Variants in NXPH1 observed in about 807,000 individuals in gnomAD.
NXPH1 encodes neurexophilin-1.
NXPH1 carries 5 observed loss-of-function variants against 23.7 expected under a neutral mutation model. The observed-to-expected ratio is 0.21, with a 90% CI of 0.11 to 0.44. The LOEUF is 0.44. Ranked by LOEUF, NXPH1 falls within the 20% of genes least tolerant of loss-of-function variation. The pLI is 0.99. For synonymous variants in NXPH1, 144 were observed against 122.2 expected (o/e 1.18, Z -1.18); for missense variants, 324 against 321.6 (o/e 1.01, Z -0.06).
intron 2 of NXPH1, among the ~76,000 whole-genome samples, chr7:8,600,408 G>T (rs922618015): frequency 2.0e-5 from 3 of 152,126 alleles, no homozygotes; most frequent in Admixed American, 1.3e-4. Flanking sequence ...TTCCTTCTCT[G>T]ATCTATCTGT....
chr7:8,709,631 A>C (rs1023542367), intron 2 of NXPH1, among the ~76,000 whole-genome samples: 1 of 152,360 alleles, frequency 6.6e-6, no homozygotes, highest in African/African-American at 2.4e-5. Context: ...GAATTTAAAC[A>C]AGGGTGGAAA....
At chr7:8,680,387 A>G (rs1821031923) in intron 2 of NXPH1, among the ~76,000 whole-genome samples, 1 of 152,248 alleles carries the variant, frequency 6.6e-6, no homozygotes. Context: ...CAGTGCAGGT[A>G]AAGTTAAAAA....
intron 2 of NXPH1, among the ~76,000 whole-genome samples, chr7:8,452,923 T>C (rs1015532577): frequency 4.9e-4 from 74 of 152,254 alleles, no homozygotes; most frequent in African/African-American, 1.7e-3. Context: ...TTGCTACTTC[T>C]GACAGCCCAG....
At chr7:8,644,821 CTT>C (rs1820369899) in intron 2 of NXPH1, among the ~76,000 whole-genome samples, 1 of 152,176 alleles carries the variant, frequency 6.6e-6, no homozygotes, top group Admixed American at 6.5e-5. Context: ...TAACCACTCT[CTT>C]AAATTTTGTG....
At chr7:8,560,615 G>T (rs1033873739) in intron 2 of NXPH1, among the ~76,000 whole-genome samples, 5 of 151,650 alleles carry the variant, frequency 3.3e-5, no homozygotes, top group African/African-American at 1.2e-4. Context: ...CAAGGAAGGG[G>T]GAGAGTGAGA....
At chr7:8,694,588 A>G (rs984943277) in intron 2 of NXPH1, among the ~76,000 whole-genome samples, 3 of 152,216 alleles carry the variant, frequency 2.0e-5, no homozygotes, top group Non-Finnish European at 4.4e-5. Flanking sequence ...ATAATAACAC[A>G]TCTATTTTTT....
At chr7:8,739,753 A>G (rs1413540345) in intron 2 of NXPH1, among the ~76,000 whole-genome samples, 4 of 152,130 alleles carry the variant, frequency 2.6e-5, no homozygotes, top group African/African-American at 4.8e-5. Flanking sequence ...GCTGTACAAA[A>G]TATTTTCTTT....
At chr7:8,735,722 C>T (rs1453160125) in intron 2 of NXPH1, among the ~76,000 whole-genome samples, 1 of 152,162 alleles carries the variant, frequency 6.6e-6, no homozygotes, top group South Asian at 2.1e-4. Flanking sequence ...GTACCAGCTT[C>T]TCTTTGTACC....
chr7:8,517,444 G>A (rs931192935), intron 2 of NXPH1, among the ~76,000 whole-genome samples: 12 of 152,124 alleles, frequency 7.9e-5, no homozygotes, highest in Admixed American at 5.9e-4. Flanking sequence ...GGCACAGTTC[G>A]GTGCTGTCAG....
chr7:8,492,714 C>T (rs1313219530), intron 2 of NXPH1, among the ~76,000 whole-genome samples: 1 of 151,926 alleles, frequency 6.6e-6, no homozygotes, highest in Non-Finnish European at 1.5e-5. Flanking sequence ...GTGGAAAGCA[C>T]AATAATGCTG....
chr7:8,706,112 C>G (rs570682830), intron 2 of NXPH1, among the ~76,000 whole-genome samples: 5 of 152,102 alleles, frequency 3.3e-5, no homozygotes, highest in African/African-American at 1.2e-4. Context: ...GTTATAGTCT[C>G]TATGGTTTGG....
intron 2 of NXPH1, among the ~76,000 whole-genome samples, chr7:8,475,183 A>C (rs578044290): frequency 6.6e-6 from 1 of 152,202 alleles, no homozygotes; most frequent in East Asian, 1.9e-4. Flanking sequence ...TCAGTTGTTT[A>C]ACTCTTGTGT....
intron 2 of NXPH1, among the ~76,000 whole-genome samples, chr7:8,679,748 C>T (rs57870426): frequency 1.2e-4 from 19 of 152,330 alleles, no homozygotes; most frequent in African/African-American, 1.7e-4. Flanking sequence ...CTAGGCTGGG[C>T]GCAGTGGCTC....
chr7:8,629,693 C>T (rs1422423278), intron 2 of NXPH1, among the ~76,000 whole-genome samples: 3 of 152,218 alleles, frequency 2.0e-5, no homozygotes, highest in Non-Finnish European at 4.4e-5. Context: ...GCTGTCCAAA[C>T]GCTGAAGTTA....
At chr7:8,640,227 A>C (rs986681306) in intron 2 of NXPH1, among the ~76,000 whole-genome samples, 1 of 152,164 alleles carries the variant, frequency 6.6e-6, no homozygotes, top group Non-Finnish European at 1.5e-5. Context: ...AAATTCAAAG[A>C]GAAATCTGTA....
chr7:8,731,254 C>A (rs951125983), intron 2 of NXPH1, among the ~76,000 whole-genome samples: 2 of 151,716 alleles, frequency 1.3e-5, no homozygotes, highest in African/African-American at 4.8e-5. Context: ...AAATTTTTTT[C>A]GAAGTTTTCA....
At chr7:8,697,494 C>CTG in intron 2 of NXPH1, among the ~76,000 whole-genome samples, 1 of 152,248 alleles carries the variant, frequency 6.6e-6, no homozygotes, top group Admixed American at 6.5e-5. Flanking sequence ...AGAAGACTCA[C>CTG]TCATTGTTTA....
intron 2 of NXPH1, among the ~76,000 whole-genome samples, chr7:8,569,422 G>A (rs1303757877): frequency 6.6e-6 from 1 of 151,814 alleles, no homozygotes; most frequent in Non-Finnish European, 1.5e-5. Context: ...TTCATTTAGA[G>A]GTATTAATTT....
chr7:8,460,999 A>C (rs1218170737), intron 2 of NXPH1, among the ~76,000 whole-genome samples: 1 of 152,168 alleles, frequency 6.6e-6, no homozygotes, highest in African/African-American at 2.4e-5. Flanking sequence ...GATCTTTTCA[A>C]TATTAGGTAT....
Sources: gnomAD v4.1 joint callset for allele counts (sites outside exome capture counted in the v4.1 genomes callset) on GRCh38, gnomAD v4.1.1 for gene constraint, MANE v1.5 for transcripts, NCBI Gene and HGNC (gene_info 2026-07-23, HGNC 2026-07-21) for gene names.